Variants in SEMA3E observed in about 807,000 individuals in gnomAD.
SEMA3E encodes semaphorin-3E.
A neutral mutation model predicts 93.6 loss-of-function variants in SEMA3E; 49 were observed. The observed-to-expected ratio is 0.52, with a 90% CI of 0.42 to 0.66. SEMA3E has a LOEUF of 0.66. SEMA3E is among the 30% of genes least tolerant of loss of function. The pLI, the probability that SEMA3E is intolerant of heterozygous loss-of-function variation, is 0.00. For missense variants in SEMA3E, 906 were observed against 964.8 expected (o/e 0.94, Z 0.81); for synonymous variants, 363 against 330.7 (o/e 1.10, Z -1.06).
In SEMA3E at chr7:83,570,318, C is replaced by T. The variant is rs948113035; in HGVS notation, c.115+78110G>A. ...CCTGTAATCCCAGCACTTTGGGAGG[C>T]CGAGGCGGGCGGATCACGAGGTCAG... On this transcript the variant is annotated intron_variant, in intron 1 of 16. Transcript: ENST00000643230. 8.6e-5 allele frequency among the ~76,000 whole-genome samples: 13 copies of T among 151,774 alleles called. No individual in the cohort carries two copies. In the East Asian group the frequency reaches 1.9e-3, roughly 23 times the overall value.
chr7:83,386,122 G>A (rs1346663881), intron 15 of SEMA3E, among the ~76,000 whole-genome samples: 1 of 151,994 alleles, frequency 6.6e-6, no homozygotes, highest in Non-Finnish European at 1.5e-5. Context: ...TTTTTCCTAT[G>A]CCTGAATCCT....
chr7:83,496,516 T>G (rs1790494586), intron 1 of SEMA3E, among the ~76,000 whole-genome samples: 1 of 152,102 alleles, frequency 6.6e-6, no homozygotes, highest in African/African-American at 2.4e-5. Context: ...AAATTTTTTT[T>G]GCTTTGACTT....
intron 1 of SEMA3E, among the ~76,000 whole-genome samples, chr7:83,641,644 C>G (rs1794013020): frequency 6.6e-6 from 1 of 152,276 alleles, no homozygotes; most frequent in Non-Finnish European, 1.5e-5. Context: ...ATATTCTTTG[C>G]TCCTTCTAGT....
At chr7:83,411,432 G>A (rs939159222) in intron 5 of SEMA3E, among the ~76,000 whole-genome samples, 3 of 152,054 alleles carry the variant, frequency 2.0e-5, no homozygotes, top group African/African-American at 7.2e-5. Context: ...GTTTTCCTCA[G>A]AAGGGAGAGA....
chr7:83,410,868 C>A (rs946882790), intron 5 of SEMA3E, among the ~76,000 whole-genome samples: 2 of 151,922 alleles, frequency 1.3e-5, no homozygotes, highest in East Asian at 3.9e-4. Flanking sequence ...AATATAAAGA[C>A]CAGCTTGTTA....
intron 1 of SEMA3E, among the ~76,000 whole-genome samples, chr7:83,600,486 A>ATTTTTTTTTTTTTTT (rs71522671): frequency 6.2e-4 from 39 of 63,072 alleles, no homozygotes; most frequent in Non-Finnish European, 8.6e-4. Context: ...CGCCCAGCTA[A>ATTTTTTTTTTTTTTT]TTTTTTTTTT....
At chr7:83,608,586 CTCTCTTGT>C (rs1793177124) in intron 1 of SEMA3E, among the ~76,000 whole-genome samples, 1 of 152,044 alleles carries the variant, frequency 6.6e-6, no homozygotes, top group African/African-American at 2.4e-5. Flanking sequence ...TAAACAACCC[CTCTCTTGT>C]TCTCACTGTA....
At chr7:83,506,169 A>G (rs1790702258) in intron 1 of SEMA3E, among the ~76,000 whole-genome samples, 3 of 152,020 alleles carry the variant, frequency 2.0e-5, no homozygotes, top group South Asian at 2.1e-4. Context: ...GGCTTCAAAC[A>G]TAAGTGGCAA....
At chr7:83,435,428 T>C (rs1011315504) in intron 4 of SEMA3E, among the ~76,000 whole-genome samples, 2 of 151,890 alleles carry the variant, frequency 1.3e-5, no homozygotes, top group Admixed American at 1.3e-4. Flanking sequence ...ATCCTGTCTT[T>C]ACTAAAAAAA....
chr7:83,434,688 T>G (rs1788963979), intron 4 of SEMA3E, among the ~76,000 whole-genome samples: 1 of 151,574 alleles, frequency 6.6e-6, no homozygotes, highest in African/African-American at 2.4e-5. Flanking sequence ...AGGATAGATT[T>G]ATTTATCCTC....
At position 83,414,539 on chromosome 7, in the gene SEMA3E, G is replaced by T. The variant is rs1179711044; in HGVS notation, c.550+3851C>A. Among the ~76,000 whole-genome samples the T allele has an allele frequency of 2.0e-5, 3 of 151,884 alleles. No homozygotes were observed. The East Asian group carries it at 5.8e-4, about 29-fold the overall frequency. Reference sequence around the variant, plus strand: ...GAGGATTTCAGTGGCTGTAAACTTTGTAGTTTTATTTGCTGAAAAAAGTAA... The same window carrying T: ...GAGGATTTCAGTGGCTGTAAACTTTTTAGTTTTATTTGCTGAAAAAAGTAA... On this transcript the variant is annotated intron_variant, in intron 5 of 16. Transcript: ENST00000643230.
rs531534645 is a variant in SEMA3E, at chr7:83,398,514, G to A, written c.1366+1514C>T. On this transcript the variant is annotated intron_variant, in intron 11 of 16. Coordinates refer to ENST00000643230, the MANE Select transcript of SEMA3E (RefSeq NM_012431.3). ...TTTGCTAAAGAAATCTGATGACACC[G>A]TTAATCATGAACCCACAGTGCTGAG... 3.3e-5 allele frequency among the ~76,000 whole-genome samples: 5 copies of A among 152,252 alleles called. No individual in the cohort carries two copies. The South Asian group carries it at 6.2e-4, about 19-fold the overall frequency.
At chr7:83,445,367 G>GA (rs111464407) in intron 4 of SEMA3E, among the ~76,000 whole-genome samples, 24,779 of 151,898 alleles carry the variant, frequency 0.16, 2,600 homozygotes, top group Middle Eastern at 0.3. Flanking sequence ...GAGGTGGATA[G>GA]AAAAAAAAGG....
intron 1 of SEMA3E, among the ~76,000 whole-genome samples, chr7:83,493,954 G>A (rs1790437043): frequency 6.6e-6 from 1 of 151,808 alleles, no homozygotes; most frequent in African/African-American, 2.4e-5. Context: ...AATGGACATG[G>A]AGCCATTCTA....
intron 1 of SEMA3E, among the ~76,000 whole-genome samples, chr7:83,590,822 C>T (rs909860669): frequency 1.3e-5 from 2 of 151,988 alleles, no homozygotes; most frequent in South Asian, 2.1e-4. Context: ...TTAATATGAT[C>T]GCAAAACTGC....
intron 1 of SEMA3E, among the ~76,000 whole-genome samples, chr7:83,534,605 C>A (rs1791375519): frequency 6.6e-6 from 1 of 152,150 alleles, no homozygotes; most frequent in Admixed American, 6.6e-5. Flanking sequence ...AGCTGGTCTA[C>A]AGGAAGAGTC....
rs148334803 is a variant in SEMA3E, at chr7:83,492,727, T to TACACAC, written c.116-2459_116-2454dup. Among the ~76,000 whole-genome samples the TACACAC allele has an allele frequency of 8.0e-4, 120 of 150,588 alleles. 2 individuals carry two copies. Among genetic ancestry groups the TACACAC allele is most frequent in the Middle Eastern group, 3.5e-3 (1 of 288 alleles). ...CTTTATGTTTATTTATATATATATG[T>TACACAC]ACACACACACACACACATATACTTT... On this transcript the variant is annotated intron_variant, in intron 1 of 16. Coordinates refer to ENST00000643230, the MANE Select transcript of SEMA3E (RefSeq NM_012431.3).
intron 1 of SEMA3E, among the ~76,000 whole-genome samples, chr7:83,550,453 G>A (rs1460945244): frequency 6.6e-6 from 1 of 152,020 alleles, no homozygotes; most frequent in Non-Finnish European, 1.5e-5. Flanking sequence ...CCAATTAGGG[G>A]AAATTAGGGT....
chr7:83,442,252 C>A (rs1396162166), intron 4 of SEMA3E, among the ~76,000 whole-genome samples: 2 of 152,128 alleles, frequency 1.3e-5, no homozygotes, highest in Admixed American at 1.3e-4. Context: ...ATTTCCATTT[C>A]TTTAATTAAT....
Sources: gnomAD v4.1 joint callset for allele counts (sites outside exome capture counted in the v4.1 genomes callset) on GRCh38, gnomAD v4.1.1 for gene constraint, MANE v1.5 for transcripts, NCBI Gene and HGNC (gene_info 2026-07-23, HGNC 2026-07-21) for gene names.